Variants in IGSF5 observed in about 807,000 individuals in gnomAD.
IGSF5 encodes immunoglobulin superfamily member 5.
IGSF5 carries 41 observed loss-of-function variants against 39.4 expected under a neutral mutation model. That is an observed-to-expected ratio of 1.04 (90% confidence interval 0.81 to 1.35). The LOEUF is 1.35. Ranked by LOEUF, IGSF5 falls within the 40% of genes most tolerant of loss-of-function variation. The probability of loss-of-function intolerance (pLI) is 0.00; values close to 1 mark genes in which losing one functional copy is unlikely to be tolerated. For synonymous variants in IGSF5, 183 were observed against 175.3 expected, an observed-to-expected ratio of 1.04 and a Z score of -0.34; for missense variants, 487 against 494.6, an observed-to-expected ratio of 0.98 and a Z score of 0.15.
chr21:39,720,396 G>A, the IGSF5 span, among the ~76,000 whole-genome samples: 1 of 152,140 alleles, frequency 6.6e-6, no homozygotes. Context: ...CACAGACCAG[G>A]ACCAGTTTAT....
chr21:39,742,638 C>A (rs890570192), upstream of IGSF5, among the ~76,000 whole-genome samples: 1 of 152,200 alleles, frequency 6.6e-6, no homozygotes, highest in African/African-American at 2.4e-5. Flanking sequence ...GGGCGGCTTA[C>A]TTCTACTTGG....
chr21:39,734,163 G>A, the IGSF5 span, among the ~76,000 whole-genome samples: 3 of 152,024 alleles, frequency 2.0e-5, no homozygotes, highest in African/African-American at 4.8e-5. Context: ...AGTGGCTCAC[G>A]CCTGTAATCC....
the IGSF5 span, among the ~76,000 whole-genome samples, chr21:39,738,455 C>A: frequency 6.6e-6 from 1 of 152,152 alleles, no homozygotes; most frequent in Non-Finnish European, 1.5e-5. The surrounding 1 kb of genome is among the most constrained non-coding windows in gnomAD (Gnocchi z 6.4). Flanking sequence ...GGACACAGAG[C>A]CAAACCATAT....
At position 39,801,336 on chromosome 21, in the gene IGSF5, C is replaced by G; in HGVS notation, c.1203C>G (p.Val401=). 6.2e-7 allele frequency: 1 copy of G among 1,613,718 alleles called. No individual in the cohort carries two copies. The highest frequency in any genetic ancestry group is 8.5e-7 in the Non-Finnish European group (1 of 1,179,638). The change falls in exon 9 of 9, where the codon GTC becomes GTG. Residue 401 remains valine, a synonymous_variant. Coordinates refer to ENST00000380588, the MANE Select transcript of IGSF5 (RefSeq NM_001080444.2). The part of the protein sequence containing the change: ...ASFNLASPEK[V]SNTTVV ...TTAATCTGGCCAGTCCTGAGAAGGT[C>G]AGTAATACAACTGTAGTATAGCAAA...
chr21:39,736,441 C>T, the IGSF5 span, among the ~76,000 whole-genome samples: 1 of 152,080 alleles, frequency 6.6e-6, no homozygotes, highest in Non-Finnish European at 1.5e-5. Context: ...CCAAACAAAA[C>T]AAAACAAAAC....
At chr21:39,712,547 T>C in the IGSF5 span, among the ~76,000 whole-genome samples, 521 of 152,200 alleles carry the variant, frequency 3.4e-3, 4 homozygotes, top group African/African-American at 0.012. Context: ...GGTTGTTCTC[T>C]GTGGCTTGCA....
chr21:39,720,041 TAGTATAGATCAGC>T, the IGSF5 span, among the ~76,000 whole-genome samples: 9 of 152,238 alleles, frequency 5.9e-5, no homozygotes, highest in Non-Finnish European at 1.2e-4. Context: ...ATTGTGAATA[TAGTATAGATCAGC>T]AGTCCCCAAC....
intron 5 of IGSF5, among the ~76,000 whole-genome samples, chr21:39,784,996 A>C (rs577560807): frequency 2.0e-5 from 3 of 150,250 alleles, no homozygotes; most frequent in Non-Finnish European, 4.4e-5. Context: ...TTTAACTTAT[A>C]AGATTATTTA....
chr21:39,731,025 C>G, the IGSF5 span, among the ~76,000 whole-genome samples: 2 of 152,202 alleles, frequency 1.3e-5, no homozygotes, highest in African/African-American at 2.4e-5. Context: ...AGTGTCCTGA[C>G]AAGGTCTCCT....
At chr21:39,749,491 G>A (rs528043588) in intron 2 of IGSF5, among the ~76,000 whole-genome samples, 2 of 152,362 alleles carry the variant, frequency 1.3e-5, no homozygotes, top group African/African-American at 2.4e-5. Context: ...GGGATTACAG[G>A]CATGAGCCAC....
At chr21:39,731,303 A>T in the IGSF5 span, among the ~76,000 whole-genome samples, 1 of 152,110 alleles carries the variant, frequency 6.6e-6, no homozygotes, top group Non-Finnish European at 1.5e-5. Flanking sequence ...TAGGTCTATT[A>T]AGAGGTCTAA....
chr21:39,766,042 A>G (rs1483144934), intron 3 of IGSF5, among the ~76,000 whole-genome samples, 190 bp downstream of exon 3: 1 of 151,612 alleles, frequency 6.6e-6, no homozygotes, highest in African/African-American at 2.4e-5. Flanking sequence ...TGCTCTCCCT[A>G]CCTCCTCACT....
At chr21:39,801,006 G>A (rs1478803418) in intron 8 of IGSF5, among the ~76,000 whole-genome samples, 1 of 152,252 alleles carries the variant, frequency 6.6e-6, no homozygotes, top group Non-Finnish European at 1.5e-5. Context: ...ACAAAACAAT[G>A]AGTCGTGGTA....
chr21:39,767,081 T>C (rs1371206694), intron 3 of IGSF5, among the ~76,000 whole-genome samples: 1 of 152,258 alleles, frequency 6.6e-6, no homozygotes, highest in Non-Finnish European at 1.5e-5. Flanking sequence ...TAAGTGATTT[T>C]ATAAGGCTAT....
intron 8 of IGSF5, among the ~76,000 whole-genome samples, chr21:39,797,979 G>A (rs1336207357): frequency 3.9e-5 from 6 of 152,144 alleles, no homozygotes; most frequent in African/African-American, 9.7e-5. Context: ...TGTGATCAGC[G>A]GCACTTTGTT....
At chr21:39,801,150 C>T in intron 8 of IGSF5, 112 bp from the exon 9 acceptor site, 1 of 703,980 alleles carries the variant, frequency 1.4e-6, no homozygotes, top group Non-Finnish European at 2.4e-6. Flanking sequence ...CATTTTTGTT[C>T]CTCTCCGTAC....
chr21:39,798,276 A>G (rs1212793946), intron 8 of IGSF5, among the ~76,000 whole-genome samples: 2 of 152,196 alleles, frequency 1.3e-5, no homozygotes, highest in South Asian at 2.1e-4. Context: ...TGCCTCCTCC[A>G]TAACTTCACC....
In IGSF5 at chr21:39,748,391, ACCT is replaced by A. The variant is rs2079986846; in HGVS notation, c.100+2096_100+2098del. Among the ~76,000 whole-genome samples the A allele has an allele frequency of 7.7e-5, 10 of 129,424 alleles. No individual in the cohort carries two copies. In the East Asian group the frequency reaches 2.5e-3, roughly 32 times the overall value. 84.9% of individuals were successfully genotyped at this position (129,424 alleles called of 152,430 possible). A position where few individuals can be genotyped will look rare whatever the true frequency, so the allele number is the denominator to read the frequency against. ...AGTGGCGCAATCTCGGCTCACTGCA[ACCT>A]CCACCTCCTGGGTTCAAACAATTCT... is the stretch of plus-strand genomic sequence containing the variant. On this transcript the variant is annotated intron_variant, in intron 2 of 8. Coordinates refer to ENST00000380588, the MANE Select transcript of IGSF5 (RefSeq NM_001080444.2).
At chr21:39,746,049 G>A (rs1241930511) in intron 1 of IGSF5, among the ~76,000 whole-genome samples, 167 bp from the exon 2 acceptor site, 2 of 152,278 alleles carry the variant, frequency 1.3e-5, no homozygotes, top group Non-Finnish European at 2.9e-5. Context: ...TGGGCCATGC[G>A]GTGAGTGTTA....
Sources: allele counts gnomAD v4.1 joint callset (sites outside exome capture counted in the v4.1 genomes callset), GRCh38; gene constraint gnomAD v4.1.1; non-coding constraint Gnocchi (gnomAD v3.1); transcripts MANE v1.5; gene names NCBI Gene and HGNC (gene_info 2026-07-23, HGNC 2026-07-21).